The following RBFOX3 variants were observed in gnomAD, a reference collection of about 807,000 sequenced individuals.
The protein encoded by RBFOX3 is RNA binding protein fox-1 homolog 3.
RBFOX3 carries 17 observed loss-of-function variants against 48.7 expected under a neutral mutation model. The ratio of observed to expected loss-of-function variants is 0.35; its 90% confidence interval spans 0.24 to 0.52. The LOEUF is 0.52. RBFOX3 is among the 20% of genes least tolerant of loss of function. The probability of loss-of-function intolerance (pLI) is 0.94; values close to 1 mark genes in which losing one functional copy is unlikely to be tolerated. For missense variants in RBFOX3, 382 were observed against 497.5 expected (o/e 0.77, Z 2.21); for synonymous variants, 212 against 209.5 (o/e 1.01, Z -0.10).
chr17:79,490,427 G>C (rs376321796), intron 1 of RBFOX3, among the ~76,000 whole-genome samples: 16 of 152,320 alleles, frequency 1.1e-4, no homozygotes, highest in African/African-American at 3.4e-4. Context: ...CCTGACCCGG[G>C]TTCAGTGGGG....
chr17:79,434,396 G>A (rs557214608), intron 2 of RBFOX3, among the ~76,000 whole-genome samples: 3 of 152,288 alleles, frequency 2.0e-5, no homozygotes, highest in East Asian at 1.9e-4. Flanking sequence ...CGTTTGTTAC[G>A]CAGCAAGAAC....
intron 4 of RBFOX3, among the ~76,000 whole-genome samples, chr17:79,145,344 C>T (rs1173698995): frequency 3.3e-5 from 5 of 152,330 alleles, no homozygotes; most frequent in Middle Eastern, 3.4e-3. Flanking sequence ...GGTTCTGAAA[C>T]GTGGCCGCAC....
intron 3 of RBFOX3, among the ~76,000 whole-genome samples, chr17:79,253,026 C>T (rs1365565757): frequency 5.9e-5 from 9 of 152,204 alleles, no homozygotes; most frequent in African/African-American, 1.9e-4. Context: ...GGCCCTGACC[C>T]TGCGGGGTGG....
chr17:79,380,453 G>A (rs900750475), intron 2 of RBFOX3, among the ~76,000 whole-genome samples: 1 of 152,194 alleles, frequency 6.6e-6, no homozygotes, highest in South Asian at 2.1e-4. Context: ...CCTGCTGACC[G>A]TGGCCCTGGC....
the RBFOX3 span, among the ~76,000 whole-genome samples, chr17:79,619,396 C>A: frequency 6.6e-6 from 1 of 152,192 alleles, no homozygotes; most frequent in Non-Finnish European, 1.5e-5. Context: ...GACTCCCTCC[C>A]GTGCTTCCCT....
In RBFOX3 at chr17:79,447,837, T is replaced by C. The variant is rs1468687463; in HGVS notation, c.-175+34617A>G. Among the ~76,000 whole-genome samples the C allele has an allele frequency of 2.6e-5, 4 of 152,282 alleles. No homozygotes were observed. The East Asian group carries it at 5.8e-4, about 22-fold the overall frequency. On this transcript the variant is annotated intron_variant, in intron 2 of 14. Transcript: ENST00000693108. The stretch of plus-strand genomic sequence containing the variant: ...GGTTCGGCTCATGTCGCTACCCAAA[T>C]AGCATGTCAAACTGTAATCCCTAAT...
intron 2 of RBFOX3, among the ~76,000 whole-genome samples, chr17:79,450,731 T>A (rs1326293610): frequency 6.6e-6 from 1 of 152,108 alleles, no homozygotes; most frequent in East Asian, 1.9e-4. Context: ...AGTGCTACAC[T>A]ACTGAAGATC....
chr17:79,371,770 G>T (rs2058573372), intron 2 of RBFOX3, among the ~76,000 whole-genome samples: 1 of 152,174 alleles, frequency 6.6e-6, no homozygotes, highest in South Asian at 2.1e-4. Flanking sequence ...GGGGCTTGGG[G>T]TCACCCTTGG....
intron 2 of RBFOX3, among the ~76,000 whole-genome samples, chr17:79,317,691 T>C (rs1461449124): frequency 1.7e-4 from 26 of 152,184 alleles, no homozygotes; most frequent in Admixed American, 1.7e-3. Context: ...TTCCACTAAT[T>C]AACTAGCTGC....
chr17:79,425,198 G>A (rs1243967763), intron 2 of RBFOX3, among the ~76,000 whole-genome samples: 1 of 152,094 alleles, frequency 6.6e-6, no homozygotes, highest in East Asian at 1.9e-4. Flanking sequence ...CCAGGCCACC[G>A]CACCCTGCAA....
Position 79,204,025 on chromosome 17 carries a change from C to T in RBFOX3, c.-34+31741G>A, listed in dbSNP as rs994126260. Among the ~76,000 whole-genome samples the T allele has an allele frequency of 6.6e-6, 1 of 152,128 alleles. No homozygotes were observed. Among genetic ancestry groups the T allele is most frequent in the African/African-American group, 2.4e-5 (1 of 41,384 alleles). Reference sequence around the variant, plus strand: ...ACGCTCTGGGCTGGTGGAAGTGGCCCCTTCCATCTTTGCTAAGAGAAAGCA... The same window carrying T: ...ACGCTCTGGGCTGGTGGAAGTGGCCTCTTCCATCTTTGCTAAGAGAAAGCA... On this transcript the variant is annotated intron_variant, in intron 4 of 14. Transcript: ENST00000693108. The surrounding 1 kb of genome is among the most constrained non-coding windows in gnomAD (Gnocchi z 4.5).
At chr17:79,096,249 T>C (rs1478785365) in intron 12 of RBFOX3, among the ~76,000 whole-genome samples, 1 of 152,112 alleles carries the variant, frequency 6.6e-6, no homozygotes, top group African/African-American at 2.4e-5. Flanking sequence ...GGGTAGGCCC[T>C]GGAGCACAGG....
At chr17:79,403,999 T>C (rs545815123) in intron 2 of RBFOX3, among the ~76,000 whole-genome samples, 71 of 152,208 alleles carry the variant, frequency 4.7e-4, no homozygotes, top group African/African-American at 1.5e-3. Flanking sequence ...AGGATGGTCT[T>C]GATCTCCTGA....
At chr17:79,578,523 G>A (rs2092936938) in intron 1 of RBFOX3, among the ~76,000 whole-genome samples, 1 of 152,232 alleles carries the variant, frequency 6.6e-6, no homozygotes, top group East Asian at 1.9e-4. Flanking sequence ...TCCCTTGGAG[G>A]CAGGTAGATG....
chr17:79,095,388 A>T, intron 13 of RBFOX3, 125 bp downstream of exon 13: 1 of 810,266 alleles, frequency 1.2e-6, no homozygotes. Context: ...CCCTGTCCCG[A>T]CCCTACTCCC....
At chr17:79,614,342 A>G (rs1034595254), upstream of RBFOX3, among the ~76,000 whole-genome samples, 2 of 152,082 alleles carry the variant, frequency 1.3e-5, no homozygotes, top group African/African-American at 2.4e-5. Context: ...CCTGACCTCC[A>G]CCCTCCTGGC....
chr17:79,663,188 TTAGGTAGAAATGCTA>T, the RBFOX3 span, among the ~76,000 whole-genome samples: 5 of 152,220 alleles, frequency 3.3e-5, no homozygotes, highest in African/African-American at 1.2e-4. Flanking sequence ...AGATTATGGC[TTAGGTAGAAATGCTA>T]TTTCTACCTT....
intron 4 of RBFOX3, among the ~76,000 whole-genome samples, chr17:79,210,366 C>T (rs2058212215): frequency 6.6e-6 from 1 of 152,212 alleles, no homozygotes; most frequent in South Asian, 2.1e-4. Context: ...TAGTTTTCAC[C>T]TCGCTGTAAT....
chr17:79,171,001 C>T (rs548605647), intron 4 of RBFOX3, among the ~76,000 whole-genome samples: 38 of 152,286 alleles, frequency 2.5e-4, no homozygotes, highest in Non-Finnish European at 4.9e-4. Flanking sequence ...GAGCCCCGCT[C>T]CTGAGACACC....
Sources: allele counts gnomAD v4.1 joint callset (sites outside exome capture counted in the v4.1 genomes callset), GRCh38; gene constraint gnomAD v4.1.1; non-coding constraint Gnocchi (gnomAD v3.1); transcripts MANE v1.5; gene names NCBI Gene and HGNC (gene_info 2026-07-23, HGNC 2026-07-21).